CADPS: variants seen among roughly 807,000 people sequenced by gnomAD.
CADPS encodes calcium dependent secretion activator, also known as calcium-dependent secretion activator 1.
CADPS carries 57 observed loss-of-function variants against 167.3 expected under a neutral mutation model. That is an observed-to-expected ratio of 0.34 (90% CI 0.28 to 0.42). CADPS has a LOEUF of 0.42. CADPS is among the 20% of genes least tolerant of loss of function. The probability of loss-of-function intolerance (pLI) is 1.00; values close to 1 mark genes in which losing one functional copy is unlikely to be tolerated. For missense variants in CADPS, 1,414 were observed against 1,738.1 expected (o/e 0.81, Z 3.32); for synonymous variants, 676 against 635.3 (o/e 1.06, Z -0.96).
At chr3:62,576,139 G>C (rs1562366210) in intron 8 of CADPS, among the ~76,000 whole-genome samples, 1 of 152,168 alleles carries the variant, frequency 6.6e-6, no homozygotes, top group Non-Finnish European at 1.5e-5. Context: ...GTGGGCATTA[G>C]TGGCCCTGAA....
At chr3:62,788,850 TA>T (rs2092693590) in intron 1 of CADPS, among the ~76,000 whole-genome samples, 1 of 152,172 alleles carries the variant, frequency 6.6e-6, no homozygotes, top group South Asian at 2.1e-4. Flanking sequence ...ATTTTAAAAA[TA>T]AACTCCACTG....
chr3:62,696,930 G>A (rs907555372), intron 3 of CADPS, among the ~76,000 whole-genome samples: 4 of 151,976 alleles, frequency 2.6e-5, no homozygotes, highest in African/African-American at 2.4e-5. Context: ...GCTGACATAT[G>A]TACAGTACCC....
chr3:62,490,355 T>C (rs1363649897), intron 21 of CADPS, among the ~76,000 whole-genome samples: 1 of 152,140 alleles, frequency 6.6e-6, no homozygotes, highest in African/African-American at 2.4e-5. Context: ...AATCCAGCAG[T>C]AGGCTTTACT....
intron 3 of CADPS, among the ~76,000 whole-genome samples, chr3:62,748,402 A>G (rs1250191717): frequency 6.7e-6 from 1 of 149,730 alleles, no homozygotes; most frequent in Non-Finnish European, 1.5e-5. Flanking sequence ...TCCTTCTAAA[A>G]TGCACATTTG....
intron 3 of CADPS, among the ~76,000 whole-genome samples, chr3:62,729,280 C>T (rs2077307546): frequency 2.0e-5 from 3 of 151,882 alleles, no homozygotes; most frequent in African/African-American, 4.9e-5. Context: ...AATGGAATGA[C>T]TAAGGGCTTC....
chr3:62,855,545 T>G (rs1481338882), intron 1 of CADPS, among the ~76,000 whole-genome samples: 1 of 152,164 alleles, frequency 6.6e-6, no homozygotes, highest in Non-Finnish European at 1.5e-5. Context: ...TAAATGATTA[T>G]CAGGAAGCAC....
At chr3:62,690,637 A>G (rs1273652551) in intron 3 of CADPS, among the ~76,000 whole-genome samples, 1 of 151,608 alleles carries the variant, frequency 6.6e-6, no homozygotes, top group Non-Finnish European at 1.5e-5. Flanking sequence ...GTACCCACCA[A>G]CCTTGCTGGG....
chr3:62,547,629 G>A (rs968265937), intron 11 of CADPS, among the ~76,000 whole-genome samples: 1 of 119,976 alleles, frequency 8.3e-6, no homozygotes, highest in East Asian at 2.5e-4. Context: ...AGTTTGCTTT[G>A]GATGCTCCAT....
chr3:62,677,999 G>A (rs1469018531), intron 3 of CADPS, among the ~76,000 whole-genome samples: 1 of 152,070 alleles, frequency 6.6e-6, no homozygotes, highest in Non-Finnish European at 1.5e-5. Flanking sequence ...GGGTCTTGCT[G>A]ACCCCTGTGT....
intron 3 of CADPS, among the ~76,000 whole-genome samples, chr3:62,742,798 T>A (rs1244223672): frequency 6.6e-6 from 1 of 152,198 alleles, no homozygotes; most frequent in Non-Finnish European, 1.5e-5. Context: ...ACTAAAAAGC[T>A]TCTGCATAGC....
intron 3 of CADPS, among the ~76,000 whole-genome samples, chr3:62,679,822 G>C (rs764341179): frequency 2.0e-5 from 3 of 152,164 alleles, no homozygotes; most frequent in Middle Eastern, 3.4e-3. Flanking sequence ...GGAAAGCTAA[G>C]AAGTCTATAC....
intron 21 of CADPS, among the ~76,000 whole-genome samples, 157 bp downstream of exon 21, chr3:62,491,182 G>T (rs894661485): frequency 6.6e-6 from 1 of 152,054 alleles, no homozygotes; most frequent in Non-Finnish European, 1.5e-5. Flanking sequence ...CTGCCATTTG[G>T]GCAAAGAAGC....
chr3:62,511,366 C>T (rs1477537071), intron 17 of CADPS, among the ~76,000 whole-genome samples: 1 of 152,144 alleles, frequency 6.6e-6, no homozygotes, highest in Non-Finnish European at 1.5e-5. Flanking sequence ...CCTGGGCTGA[C>T]TCCAGCTATA....
At chr3:62,543,531 C>T (rs2076027670) in intron 11 of CADPS, among the ~76,000 whole-genome samples, 1 of 152,026 alleles carries the variant, frequency 6.6e-6, no homozygotes, top group Admixed American at 6.6e-5. Context: ...CCTCATCAGA[C>T]ATTCAAGAAA....
intron 1 of CADPS, among the ~76,000 whole-genome samples, chr3:62,829,906 C>T (rs1485732722): frequency 6.6e-6 from 1 of 152,138 alleles, no homozygotes; most frequent in Non-Finnish European, 1.5e-5. Flanking sequence ...CTGTAACATT[C>T]AGGACCTATC....
At chr3:62,642,970 TCAAAACAAAA>T (rs923619057) in intron 6 of CADPS, among the ~76,000 whole-genome samples, 4 of 141,386 alleles carry the variant, frequency 2.8e-5, no homozygotes, top group Admixed American at 2.8e-4. Context: ...AACCCAAACC[TCAAAACAAAA>T]CAAAACAAAA....
At chr3:62,756,646 T>C (rs2083992551) in intron 2 of CADPS, among the ~76,000 whole-genome samples, 1 of 152,218 alleles carries the variant, frequency 6.6e-6, no homozygotes, top group South Asian at 2.1e-4. Context: ...CACAAGAACC[T>C]ATAGCTAGGA....
chr3:62,505,150 C>T (rs2066440224), intron 17 of CADPS, among the ~76,000 whole-genome samples: 1 of 152,188 alleles, frequency 6.6e-6, no homozygotes, highest in South Asian at 2.1e-4. Flanking sequence ...GAATACCCAG[C>T]TTCCCTAAAA....
intron 3 of CADPS, among the ~76,000 whole-genome samples, chr3:62,700,246 G>A (rs1214593521): frequency 6.6e-6 from 1 of 152,124 alleles, no homozygotes; most frequent in Non-Finnish European, 1.5e-5. Flanking sequence ...AAGAGGTGGA[G>A]CTTAATTCTT....
Sources: allele counts gnomAD v4.1 joint callset (sites outside exome capture counted in the v4.1 genomes callset), GRCh38; gene constraint gnomAD v4.1.1; transcripts MANE v1.5; gene names NCBI Gene and HGNC (gene_info 2026-07-23, HGNC 2026-07-21).